The following G3BP2 variants were observed in gnomAD, a reference collection of about 807,000 sequenced individuals.
The protein encoded by G3BP2 is G3BP stress granule assembly factor 2.
G3BP2 carries 11 observed loss-of-function variants against 56.7 expected under a neutral mutation model. That is an observed-to-expected ratio of 0.19 (90% CI 0.12 to 0.32). The LOEUF is 0.32. G3BP2 is among the 10% of genes least tolerant of loss of function. G3BP2 has a pLI of 1.00. For missense variants in G3BP2, 340 were observed against 610.9 expected, an observed-to-expected ratio of 0.56 and a Z score of 4.67; for synonymous variants, 165 against 191.6, an observed-to-expected ratio of 0.86 and a Z score of 1.15.
intron 3 of G3BP2, among the ~76,000 whole-genome samples, chr4:75,700,361 TA>T (rs1263693557): frequency 6.6e-6 from 1 of 150,758 alleles, no homozygotes; most frequent in Non-Finnish European, 1.5e-5. Flanking sequence ...CCTGAATGCT[TA>T]ATTTAGCATA....
At chr4:75,710,670 T>C (rs950966691) in intron 3 of G3BP2, among the ~76,000 whole-genome samples, 3 of 152,046 alleles carry the variant, frequency 2.0e-5, no homozygotes, top group Admixed American at 2.0e-4. Flanking sequence ...TCTGGCTTTA[T>C]TTATTTATTT....
At chr4:75,716,480 C>G (rs1178957528) in intron 3 of G3BP2, among the ~76,000 whole-genome samples, 1 of 149,176 alleles carries the variant, frequency 6.7e-6, no homozygotes. Flanking sequence ...CGGCCCTCTT[C>G]TAGTTCTTGT....
At chr4:75,716,414 A>T (rs1284017720) in intron 3 of G3BP2, among the ~76,000 whole-genome samples, 1 of 152,236 alleles carries the variant, frequency 6.6e-6, no homozygotes, top group Non-Finnish European at 1.5e-5. Flanking sequence ...AGCTCAGGTG[A>T]TCTGCCCACC....
chr4:75,694,760 A>G (rs1272392532), intron 3 of G3BP2: 4 of 986,952 alleles, frequency 4.1e-6, no homozygotes, highest in Non-Finnish European at 4.8e-6. Context: ...AAACAAACAA[A>G]CAAACAAACA....
chr4:75,646,710 AT>A (rs763458195), intron 10 of G3BP2, among the ~76,000 whole-genome samples: 2 of 152,140 alleles, frequency 1.3e-5, no homozygotes, highest in Admixed American at 1.3e-4. Flanking sequence ...TAACTGCATA[AT>A]TTTGGAAAGA....
At chr4:75,659,016 C>T in intron 2 of G3BP2, 92 bp from the exon 3 acceptor site, 1 of 933,016 alleles carries the variant, frequency 1.1e-6, no homozygotes. Context: ...CCGGATCCCG[C>T]TCTGTCACTA....
At chr4:75,690,492 A>G (rs367921499) in intron 3 of G3BP2, among the ~76,000 whole-genome samples, 1 of 152,222 alleles carries the variant, frequency 6.6e-6, no homozygotes, top group East Asian at 1.9e-4. Flanking sequence ...GAAAACCTAC[A>G]GTAGATTAGT....
intron 1 of G3BP2, among the ~76,000 whole-genome samples, chr4:75,672,332 G>C (rs1226674274): frequency 6.6e-6 from 1 of 152,170 alleles, no homozygotes; most frequent in Non-Finnish European, 1.5e-5. Flanking sequence ...TGCTTTTAGA[G>C]ACGCAGGAAA....
At chr4:75,709,419 CAAAAA>C (rs34603185) in intron 3 of G3BP2, among the ~76,000 whole-genome samples, 1 of 47,402 alleles carries the variant, frequency 2.1e-5, no homozygotes, top group African/African-American at 8.7e-5. Context: ...GACTCCGTCT[CAAAAA>C]AAAAAAAAAA....
intron 3 of G3BP2, among the ~76,000 whole-genome samples, chr4:75,693,669 A>G (rs1369697938): frequency 6.6e-6 from 1 of 150,894 alleles, no homozygotes; most frequent in Middle Eastern, 3.2e-3. Flanking sequence ...GGCACCTGTA[A>G]TCCCAGCTAC....
At chr4:75,658,022 C>T (rs1321470355) in intron 3 of G3BP2, among the ~76,000 whole-genome samples, 1 of 152,184 alleles carries the variant, frequency 6.6e-6, no homozygotes, top group Non-Finnish European at 1.5e-5. Context: ...CTTGAACTTA[C>T]ACATAATTTT....
At chr4:75,655,002 C>A in intron 7 of G3BP2, 64 bp downstream of exon 7, 1 of 1,073,156 alleles carries the variant, frequency 9.3e-7, no homozygotes, top group South Asian at 1.4e-5. Context: ...AAAGGTCATA[C>A]TTCATTAACA....
At chr4:75,668,536 A>G (rs1324714882) in intron 1 of G3BP2, among the ~76,000 whole-genome samples, 1 of 152,146 alleles carries the variant, frequency 6.6e-6, no homozygotes, top group Non-Finnish European at 1.5e-5. Flanking sequence ...AGTTGTCCAA[A>G]TATCAAATAG....
upstream of G3BP2, among the ~76,000 whole-genome samples, chr4:75,674,729 T>A (rs372668902): frequency 0.14 from 14,949 of 107,364 alleles, 1,432 homozygotes; most frequent in Middle Eastern, 0.22. Flanking sequence ...TTTTTTTTTT[T>A]TTTTTTTTTT....
At chr4:75,663,464 C>T (rs1216644805) in intron 1 of G3BP2, among the ~76,000 whole-genome samples, 1 of 152,074 alleles carries the variant, frequency 6.6e-6, no homozygotes, top group Non-Finnish European at 1.5e-5. Flanking sequence ...TTAGCAGAGA[C>T]GAGGTCTGGC....
At chr4:75,714,180 G>C (rs1029692488) in intron 3 of G3BP2, among the ~76,000 whole-genome samples, 2 of 152,228 alleles carry the variant, frequency 1.3e-5, no homozygotes, top group African/African-American at 4.8e-5. Flanking sequence ...TAATGGCAAT[G>C]TATCAGTGTT....
intron 2 of G3BP2, among the ~76,000 whole-genome samples, chr4:75,721,243 A>C (rs1720165182): frequency 6.9e-6 from 1 of 145,978 alleles, no homozygotes; most frequent in Non-Finnish European, 1.5e-5. Flanking sequence ...GCCCAGCCTC[A>C]ACTAGTCTTT....
upstream of G3BP2, among the ~76,000 whole-genome samples, chr4:75,674,839 C>T (rs1180744438): frequency 6.6e-6 from 1 of 150,926 alleles, no homozygotes; most frequent in African/African-American, 2.4e-5. Flanking sequence ...TCTCCTGCCT[C>T]AGGCTCCCTA....
chr4:75,646,473 T>C lies in G3BP2; in HGVS notation c.1058-17A>G. ...TTCCAAAACCTGTGAAAATATACATTACATCAAGGGTTAAATATTTTTAAC... is the reference window on the plus strand; with the variant it reads ...TTCCAAAACCTGTGAAAATATACATCACATCAAGGGTTAAATATTTTTAAC... On this transcript the variant is annotated splice_polypyrimidine_tract_variant and intron_variant, in intron 10 of 11. Transcript: ENST00000359707. 7.7e-7 allele frequency: 1 copy of C among 1,302,432 alleles called. No homozygotes were observed. The highest frequency in any genetic ancestry group is 1.1e-6 in the Non-Finnish European group (1 of 895,694). The allele number at this position is 1,302,432 out of a possible 1,614,324, so 80.7% of individuals were successfully genotyped here. A position where few individuals can be genotyped will look rare whatever the true frequency, so the allele number is the denominator to read the frequency against.
Sources: allele counts gnomAD v4.1 joint callset (sites outside exome capture counted in the v4.1 genomes callset), GRCh38; gene constraint gnomAD v4.1.1; transcripts MANE v1.5; gene names NCBI Gene and HGNC (gene_info 2026-07-23, HGNC 2026-07-21).